Variants in C12orf54 observed in about 807,000 individuals in gnomAD.
C12orf54 encodes the protein uncharacterized protein C12orf54.
In C12orf54, 24 loss-of-function variants were observed where a neutral mutation model predicts 26.4. The observed-to-expected ratio is 0.91, with a 90% CI of 0.66 to 1.28. The LOEUF is 1.28. Ranked by LOEUF, C12orf54 falls within the 50% of genes most tolerant of loss-of-function variation. C12orf54 has a pLI of 0.00. For synonymous variants in C12orf54, 54 were observed against 47.0 expected, an observed-to-expected ratio of 1.15 and a Z score of -0.61; for missense variants, 154 against 150.9, an observed-to-expected ratio of 1.02 and a Z score of -0.11.
chr12:48,490,790 C>T, intron 5 of C12orf54, 22 bp from the exon 6 acceptor site: 1 of 1,613,336 alleles, frequency 6.2e-7, no homozygotes, highest in East Asian at 2.2e-5. Flanking sequence ...TCATCTCTGA[C>T]TGTATTCTCA....
the C12orf54 span, among the ~76,000 whole-genome samples, chr12:48,449,659 A>G: frequency 1.3e-5 from 2 of 152,250 alleles, no homozygotes; most frequent in African/African-American, 2.4e-5. Context: ...TATAATAAAT[A>G]AGAGTTGAAT....
chr12:48,466,715 CT>C, the C12orf54 span, among the ~76,000 whole-genome samples: 1 of 152,102 alleles, frequency 6.6e-6, no homozygotes, highest in Admixed American at 6.6e-5. Flanking sequence ...AACTTGAAAT[CT>C]CATACACTGG....
chr12:48,446,669 G>A, the C12orf54 span, among the ~76,000 whole-genome samples: 1 of 151,948 alleles, frequency 6.6e-6, no homozygotes, highest in Non-Finnish European at 1.5e-5. Context: ...AGTGACTCAC[G>A]GCTTATTTTT....
chr12:48,419,636 G>A, the C12orf54 span, among the ~76,000 whole-genome samples: 5 of 152,282 alleles, frequency 3.3e-5, no homozygotes, highest in African/African-American at 1.2e-4. Flanking sequence ...AGCTGCAGGA[G>A]AGCTCAATGA....
At chr12:48,424,658 A>G in the C12orf54 span, among the ~76,000 whole-genome samples, 1 of 152,162 alleles carries the variant, frequency 6.6e-6, no homozygotes, top group Non-Finnish European at 1.5e-5. Context: ...TTTCCAATAG[A>G]GTTAAACACA....
intron 4 of C12orf54, chr12:48,487,870 C>T: frequency 1.8e-6 from 1 of 550,278 alleles, no homozygotes; most frequent in Non-Finnish European, 3.3e-6. Flanking sequence ...CCATTCATGG[C>T]TGGGTAACAC....
chr12:48,445,176 A>C, the C12orf54 span, among the ~76,000 whole-genome samples: 3 of 150,936 alleles, frequency 2.0e-5, no homozygotes, highest in Non-Finnish European at 4.4e-5. Context: ...CCGTCTCTTA[A>C]AAAAAAAAAT....
intron 5 of C12orf54, 50 bp downstream of exon 5, chr12:48,489,006 T>G (rs1448967711): frequency 1.1e-5 from 18 of 1,566,660 alleles, no homozygotes; most frequent in Non-Finnish European, 1.5e-5. Flanking sequence ...TCATGTGCCT[T>G]GATCCCATTT....
chr12:48,473,931 T>C, the C12orf54 span, among the ~76,000 whole-genome samples: 1 of 152,214 alleles, frequency 6.6e-6, no homozygotes. Flanking sequence ...ATTTTGGCAC[T>C]GGTTTGGGGA....
intron 4 of C12orf54, chr12:48,487,874 G>T: frequency 1.8e-6 from 1 of 565,748 alleles, no homozygotes; most frequent in African/African-American, 1.9e-5. Flanking sequence ...TCATGGCTGG[G>T]TAACACAGTA....
chr12:48,448,987 C>A, the C12orf54 span, among the ~76,000 whole-genome samples: 1 of 152,152 alleles, frequency 6.6e-6, no homozygotes, highest in Non-Finnish European at 1.5e-5. Context: ...GAAGAGGGGG[C>A]AGCTATGGGC....
the C12orf54 span, among the ~76,000 whole-genome samples, chr12:48,448,765 AAG>A: frequency 9.2e-5 from 14 of 152,346 alleles, no homozygotes; most frequent in Admixed American, 9.1e-4. Context: ...TCTGTTGATG[AAG>A]AGTCTAACTC....
chr12:48,453,296 G>A, the C12orf54 span, among the ~76,000 whole-genome samples: 11 of 151,916 alleles, frequency 7.2e-5, no homozygotes, highest in African/African-American at 2.2e-4. Flanking sequence ...ATGAGAACAC[G>A]TGGATACACA....
chr12:48,474,288 G>A, the C12orf54 span, among the ~76,000 whole-genome samples: 1 of 152,212 alleles, frequency 6.6e-6, no homozygotes, highest in Admixed American at 6.5e-5. Flanking sequence ...AATGGGAACA[G>A]CTCTGGTCTA....
At chr12:48,481,165 AC>A (rs1230463465), upstream of C12orf54, among the ~76,000 whole-genome samples, 1 of 152,022 alleles carries the variant, frequency 6.6e-6, no homozygotes. Flanking sequence ...TAACAAACCT[AC>A]ATGTGTATCC....
At chr12:48,448,830 C>T in the C12orf54 span, among the ~76,000 whole-genome samples, 1 of 152,136 alleles carries the variant, frequency 6.6e-6, no homozygotes, top group East Asian at 1.9e-4. Flanking sequence ...GACCATGGCC[C>T]ATGACACAGC....
intron 2 of C12orf54, 87 bp downstream of exon 2, chr12:48,483,448 C>T (rs1419237608): frequency 3.3e-6 from 4 of 1,225,968 alleles, no homozygotes; most frequent in Non-Finnish European, 3.5e-6. Context: ...TTCTATGGCT[C>T]TTCATTTGGC....
intron 2 of C12orf54, 113 bp downstream of exon 2, chr12:48,483,474 G>A: frequency 1.1e-6 from 1 of 914,872 alleles, no homozygotes; most frequent in Non-Finnish European, 1.7e-6. Flanking sequence ...TTGCTTCCTG[G>A]CTGAATAAGA....
chr12:48,430,850 A>G, the C12orf54 span, among the ~76,000 whole-genome samples: 16 of 152,240 alleles, frequency 1.1e-4, no homozygotes, highest in East Asian at 3.8e-4. Context: ...TTGCACATGC[A>G]TGCTTATAGC....
Sources: allele counts gnomAD v4.1 joint callset (sites outside exome capture counted in the v4.1 genomes callset), GRCh38; gene constraint gnomAD v4.1.1; transcripts MANE v1.5; gene names NCBI Gene and HGNC (gene_info 2026-07-23, HGNC 2026-07-21).